Variants in SORBS2 observed in about 807,000 individuals in gnomAD.
SORBS2 encodes the protein sorbin and SH3 domain containing 2.
A neutral mutation model predicts 97.7 loss-of-function variants in SORBS2; 46 were observed. The observed-to-expected ratio is 0.47, with a 90% CI of 0.37 to 0.60. The LOEUF is 0.60. SORBS2 is among the 20% of genes least tolerant of loss of function. The pLI, the probability that SORBS2 is intolerant of heterozygous loss-of-function variation, is 0.00. For synonymous variants in SORBS2, 476 were observed against 473.4 expected (o/e 1.01, Z -0.07); for missense variants, 1,316 against 1,282.3 (o/e 1.03, Z -0.40).
intron 1 of SORBS2, among the ~76,000 whole-genome samples, chr4:185,883,616 TTGAC>T (rs1318889385): frequency 6.6e-6 from 1 of 152,220 alleles, no homozygotes; most frequent in African/African-American, 2.4e-5. Flanking sequence ...CAAATGTCCT[TTGAC>T]TGGTGAATAC....
At chr4:185,932,734 CCT>C (rs1561313869) in intron 1 of SORBS2, among the ~76,000 whole-genome samples, 1 of 133,936 alleles carries the variant, frequency 7.5e-6, no homozygotes, top group Non-Finnish European at 1.7e-5. Context: ...GATGAGCCCC[CCT>C]GGGGCTCGGT....
chr4:185,721,176 G>A (rs1256015070), intron 2 of SORBS2, among the ~76,000 whole-genome samples: 1 of 145,306 alleles, frequency 6.9e-6, no homozygotes, highest in Non-Finnish European at 1.5e-5. Context: ...TCGGGTTCAA[G>A]TGATTCTCCT....
intron 2 of SORBS2, among the ~76,000 whole-genome samples, chr4:185,717,085 C>T (rs2098471594): frequency 6.6e-6 from 1 of 152,220 alleles, no homozygotes; most frequent in African/African-American, 2.4e-5. Context: ...CAACACTACC[C>T]ACCACAGGTT....
At chr4:185,806,434 CTATTTTTTTTTT>C (rs1442514720) in intron 1 of SORBS2, among the ~76,000 whole-genome samples, 5,845 of 108,066 alleles carry the variant, frequency 0.054, 1,802 homozygotes, top group East Asian at 0.18. Context: ...GGCTAGAATC[CTATTTTTTTTTT>C]TTTTTTTTTT....
chr4:185,912,660 C>A (rs1055444189), intron 1 of SORBS2, among the ~76,000 whole-genome samples: 1 of 137,992 alleles, frequency 7.2e-6, no homozygotes, highest in Admixed American at 7.2e-5. Flanking sequence ...GTATTCAAAA[C>A]AAGAAGCTGT....
chr4:185,678,368 T>C, intron 4 of SORBS2, 55 bp downstream of exon 7: 2 of 1,412,856 alleles, frequency 1.4e-6, no homozygotes, highest in Non-Finnish European at 1.9e-6. Flanking sequence ...CTGTAAGCAG[T>C]GGTCTAATAA....
intron 1 of SORBS2, among the ~76,000 whole-genome samples, chr4:185,932,682 C>T (rs1004510690): frequency 6.6e-6 from 1 of 152,122 alleles, no homozygotes; most frequent in East Asian, 1.9e-4. Flanking sequence ...CATCTGAGAC[C>T]AGCCTCTGCA....
intron 1 of SORBS2, among the ~76,000 whole-genome samples, chr4:185,906,617 C>T (rs1282288094): frequency 1.3e-5 from 2 of 152,202 alleles, no homozygotes; most frequent in African/African-American, 4.8e-5. Context: ...TAACGCAGCA[C>T]TCTACAATGC....
At chr4:185,696,210 G>A (rs1431183835) in intron 2 of SORBS2, among the ~76,000 whole-genome samples, 1 of 152,078 alleles carries the variant, frequency 6.6e-6, no homozygotes, top group Non-Finnish European at 1.5e-5. Context: ...CCTGATATTT[G>A]GAAAAATTTC....
chr4:185,607,184 C>T lies in SORBS2; in HGVS notation c.2796+4596G>A, dbSNP rs1445475532. ...AAAGCACCAAGCTTCTCCAATTCAC[C>T]CAAGAAGTTGTCCAGGAAACGAGGT... is the stretch of plus-strand genomic sequence containing the variant. On this transcript the variant is annotated intron_variant, in intron 12 of 14. Coordinates refer to ENST00000418609, the Ensembl canonical transcript of SORBS2. This position sits in a 1 kb window ranked among gnomAD's most constrained non-coding sequence, Gnocchi z 5.2. 1.1e-5 allele frequency: 12 copies of T among 1,130,036 alleles called. No homozygotes were observed. Among genetic ancestry groups the T allele is most frequent in the Middle Eastern group, 5.0e-4 (2 of 4,034 alleles). 70.0% of individuals were successfully genotyped at this position (1,130,036 alleles called of 1,614,324 possible).
intron 1 of SORBS2, among the ~76,000 whole-genome samples, chr4:185,923,964 G>A (rs2099262267): frequency 2.0e-5 from 3 of 152,242 alleles, no homozygotes; most frequent in Admixed American, 6.5e-5. Flanking sequence ...ATTCCTTTGC[G>A]ATGTGTATTA....
intron 1 of SORBS2, among the ~76,000 whole-genome samples, chr4:185,893,318 A>G (rs1315854653): frequency 1.3e-5 from 2 of 152,142 alleles, no homozygotes; most frequent in African/African-American, 2.4e-5. Flanking sequence ...GGTAGGCGGG[A>G]TGCATGGGCT....
intron 4 of SORBS2, chr4:185,676,917 A>G (rs1179504131): frequency 8.4e-7 from 1 of 1,184,698 alleles, no homozygotes; most frequent in East Asian, 2.6e-5. Context: ...ATTAGGTCAT[A>G]TAAGAAGCCC....
chr4:185,823,113 C>T lies in SORBS2; in HGVS notation c.-337-47747G>A, dbSNP rs762470655. On this transcript the variant is annotated intron_variant, in intron 1 of 20. Transcript: ENST00000284776. ...AATACGTACTGACTCTTCCCCTGCC[C>T]GCTCCTTTCCTCTTGCAACAAGTGG... 2.0e-5 allele frequency among the ~76,000 whole-genome samples: 3 copies of T among 152,176 alleles called. No individual in the cohort carries two copies. The East Asian group carries it at 5.8e-4, about 29-fold the overall frequency.
At chr4:185,860,378 C>G (rs980359019) in intron 1 of SORBS2, among the ~76,000 whole-genome samples, 4 of 152,174 alleles carry the variant, frequency 2.6e-5, no homozygotes, top group Non-Finnish European at 5.9e-5. Context: ...ATAAAGAGAG[C>G]ACGTGACAAA....
intron 1 of SORBS2, among the ~76,000 whole-genome samples, chr4:185,885,760 AG>A (rs2099239085): frequency 6.6e-6 from 1 of 152,252 alleles, no homozygotes; most frequent in Non-Finnish European, 1.5e-5. Flanking sequence ...TAGAGAAAAA[AG>A]GTAGCATGAA....
At position 185,688,505 on chromosome 4, in the gene SORBS2, A is replaced by ATAGATAG. The variant is rs369834856; in HGVS notation, c.-197-9684_-197-9683insCTATCTA. On this transcript the variant is annotated intron_variant, in intron 2 of 20. Transcript: ENST00000284776. Reference sequence around the variant, plus strand: ...CTATCTGTCTATTGATAGATAGATAAATAGATAGATAGATAGATAGATAGA... The same window carrying ATAGATAG: ...CTATCTGTCTATTGATAGATAGATAATAGATAGATAGATAGATAGATAGATAGATAGA... Among the ~76,000 whole-genome samples the ATAGATAG allele has an allele frequency of 6.2e-3, 794 of 127,794 alleles. 5 individuals are homozygous for ATAGATAG. Among genetic ancestry groups the ATAGATAG allele is most frequent in the Middle Eastern group, 0.012 (3 of 248 alleles). 83.8% of individuals were successfully genotyped at this position (127,794 alleles called of 152,430 possible).
intron 1 of SORBS2, among the ~76,000 whole-genome samples, chr4:185,924,259 A>C (rs925995886): frequency 6.6e-6 from 1 of 152,186 alleles, no homozygotes; most frequent in Non-Finnish European, 1.5e-5. Context: ...CCAGGGAGTG[A>C]GTGGGTGGTG....
intron 1 of SORBS2, among the ~76,000 whole-genome samples, chr4:185,788,721 A>G (rs1248656055): frequency 1.3e-5 from 2 of 152,196 alleles, no homozygotes; most frequent in African/African-American, 4.8e-5. Context: ...TTCTATTTGC[A>G]TATATAACGT....
Sources: allele counts gnomAD v4.1 joint callset (sites outside exome capture counted in the v4.1 genomes callset), GRCh38; gene constraint gnomAD v4.1.1; non-coding constraint Gnocchi (gnomAD v3.1); transcripts MANE v1.5; gene names NCBI Gene and HGNC (gene_info 2026-07-23, HGNC 2026-07-21).